The following SBF2 variants were observed in gnomAD, a reference collection of about 807,000 sequenced individuals.
The protein encoded by SBF2 is SET binding factor 2.
SBF2 carries 112 observed loss-of-function variants against 225.2 expected under a neutral mutation model. That is an observed-to-expected ratio of 0.50 (90% CI 0.43 to 0.58). SBF2 has a LOEUF of 0.58. SBF2 is among the 20% of genes least tolerant of loss of function. SBF2 has a pLI of 0.00. For synonymous variants in SBF2, 763 were observed against 773.3 expected, an observed-to-expected ratio of 0.99 and a Z score of 0.22; for missense variants, 1,996 against 2,206.2, an observed-to-expected ratio of 0.90 and a Z score of 1.91.
intron 2 of SBF2, among the ~76,000 whole-genome samples, chr11:10,094,656 C>G (rs1056071084): frequency 6.6e-6 from 1 of 150,526 alleles, no homozygotes; most frequent in African/African-American, 2.4e-5. Flanking sequence ...GTGCCCGCCA[C>G]GACGCCTGGC....
chr11:10,095,153 C>T (rs1951965991), intron 2 of SBF2, among the ~76,000 whole-genome samples: 1 of 151,974 alleles, frequency 6.6e-6, no homozygotes, highest in South Asian at 2.1e-4. Flanking sequence ...AAGCTCCTGG[C>T]TTCAAGCAAT....
chr11:9,942,236 T>G (rs1865296096), intron 16 of SBF2, among the ~76,000 whole-genome samples: 1 of 152,104 alleles, frequency 6.6e-6, no homozygotes, highest in Non-Finnish European at 1.5e-5. Flanking sequence ...GCTGGCTGAT[T>G]TTTGTATTTT....
chr11:9,792,098 G>C (rs953179485), intron 33 of SBF2, among the ~76,000 whole-genome samples: 3 of 152,150 alleles, frequency 2.0e-5, no homozygotes, highest in African/African-American at 7.2e-5. Flanking sequence ...TAGGACACAG[G>C]AGAATTCATT....
At chr11:10,205,293 T>C (rs1161870325) in intron 1 of SBF2, among the ~76,000 whole-genome samples, 1 of 151,986 alleles carries the variant, frequency 6.6e-6, no homozygotes, top group African/African-American at 2.4e-5. Context: ...GGTATGTAAA[T>C]TATATGTCAA....
chr11:10,003,624 C>T (rs2134518884), intron 6 of SBF2, among the ~76,000 whole-genome samples: 1 of 152,278 alleles, frequency 6.6e-6, no homozygotes, highest in African/African-American at 2.4e-5. Context: ...GCCTCGGCCT[C>T]CCAAAGTGCT....
chr11:9,816,725 C>A, intron 29 of SBF2, 115 bp downstream of exon 29: 6 of 872,448 alleles, frequency 6.9e-6, no homozygotes, highest in South Asian at 2.1e-5. Flanking sequence ...TTATTAACTC[C>A]AGGTTAAGAA....
intron 28 of SBF2, among the ~76,000 whole-genome samples, chr11:9,819,960 G>A (rs1854659195): frequency 6.6e-6 from 1 of 152,070 alleles, no homozygotes; most frequent in Non-Finnish European, 1.5e-5. Flanking sequence ...TAATAATACA[G>A]CTTGTGATGA....
At position 9,961,957 on chromosome 11, in the gene SBF2, C is replaced by T. The variant is rs1242090973; in HGVS notation, c.1860G>A (p.Gln620=). 8 of 1,611,128 alleles carry T rather than the reference C, an allele frequency of 5.0e-6. No homozygotes were observed. In the Admixed American group the frequency reaches 1.3e-4, roughly 27 times the overall value. ...ATAATCTGAAAGAACTACAAATTAC[C>T]TGTAGAGTACAATTCATCATCCTTA... ...YIIRMMNCTL[Q]DCSSLEEYNI... is the part of the protein sequence containing the mutation. Residue 620 remains glutamine (Q), a splice_region_variant and synonymous_variant, in exon 16 of 40, where the codon CAG becomes CAA. Transcript: ENST00000256190.
intron 21 of SBF2, among the ~76,000 whole-genome samples, chr11:9,851,035 C>T (rs963625771): frequency 3.3e-4 from 49 of 149,966 alleles, no homozygotes; most frequent in African/African-American, 1.1e-3. Flanking sequence ...ACTCAGAAGG[C>T]GGAGGCAGGA....
At chr11:10,170,189 A>G (rs557337401) in intron 2 of SBF2, among the ~76,000 whole-genome samples, 2 of 152,056 alleles carry the variant, frequency 1.3e-5, no homozygotes, top group South Asian at 4.2e-4. Context: ...ATGGGGTATT[A>G]CTCGAAGTCT....
chr11:10,176,210 T>C (rs1164013212), intron 2 of SBF2, among the ~76,000 whole-genome samples: 8 of 147,480 alleles, frequency 5.4e-5, no homozygotes, highest in Non-Finnish European at 9.0e-5. Flanking sequence ...GGGAAATTTA[T>C]AGCACTAAAT....
At chr11:9,817,627 G>A (rs1415031339) in intron 28 of SBF2, among the ~76,000 whole-genome samples, 1 of 151,724 alleles carries the variant, frequency 6.6e-6, no homozygotes, top group East Asian at 1.9e-4. Context: ...GTTTAGTAAT[G>A]GGCACAGTGC....
intron 16 of SBF2, among the ~76,000 whole-genome samples, chr11:9,908,913 C>T (rs1030424789): frequency 2.0e-5 from 3 of 150,570 alleles, no homozygotes; most frequent in Admixed American, 2.0e-4. Flanking sequence ...GTCTTGAACT[C>T]CTGAGCTCAA....
chr11:10,136,114 CA>C (rs1954338811), intron 2 of SBF2, among the ~76,000 whole-genome samples: 1 of 152,248 alleles, frequency 6.6e-6, no homozygotes, highest in South Asian at 2.1e-4. Context: ...ACAACTTGTG[CA>C]GGGAAATTCC....
intron 2 of SBF2, among the ~76,000 whole-genome samples, chr11:10,104,422 T>C (rs1346634641): frequency 1.3e-5 from 2 of 152,200 alleles, no homozygotes; most frequent in Non-Finnish European, 2.9e-5. Context: ...TGTCTGGAAA[T>C]CTGAGATCAG....
chr11:10,109,759 T>G (rs925125979), intron 2 of SBF2, among the ~76,000 whole-genome samples: 1 of 152,256 alleles, frequency 6.6e-6, no homozygotes, highest in African/African-American at 2.4e-5. Context: ...CATTACCTAG[T>G]AAGTTTAACA....
intron 2 of SBF2, among the ~76,000 whole-genome samples, chr11:10,085,818 C>A (rs1951543822): frequency 6.6e-6 from 1 of 151,940 alleles, no homozygotes; most frequent in Non-Finnish European, 1.5e-5. Flanking sequence ...CTGTCTTTGT[C>A]TTTCATCTTG....
chr11:9,976,375 A>G (rs1299718848), intron 13 of SBF2, among the ~76,000 whole-genome samples: 1 of 151,892 alleles, frequency 6.6e-6, no homozygotes, highest in African/African-American at 2.4e-5. Flanking sequence ...CCTGGCCCAG[A>G]TATCTGATAT....
chr11:10,034,194 A>G (rs1435418806), intron 3 of SBF2, among the ~76,000 whole-genome samples: 1 of 152,214 alleles, frequency 6.6e-6, no homozygotes, highest in Non-Finnish European at 1.5e-5. Context: ...TATAATAATC[A>G]CATGCCACAA....
Sources: gnomAD v4.1 joint callset for allele counts (sites outside exome capture counted in the v4.1 genomes callset) on GRCh38, gnomAD v4.1.1 for gene constraint, MANE v1.5 for transcripts, NCBI Gene and HGNC (gene_info 2026-07-23, HGNC 2026-07-21) for gene names.